PNLIPRP3: variants seen among roughly 807,000 people sequenced by gnomAD.
PNLIPRP3 encodes pancreatic lipase related protein 3.
PNLIPRP3 carries 58 observed loss-of-function variants against 52.8 expected under a neutral mutation model. The ratio of observed to expected loss-of-function variants is 1.10; its 90% CI spans 0.89 to 1.37. The LOEUF is 1.37. Among genes scored for constraint, PNLIPRP3 ranks in the 40% most tolerant of loss-of-function variants. The pLI, the probability that PNLIPRP3 is intolerant of heterozygous loss-of-function variation, is 0.00. For missense variants in PNLIPRP3, 593 were observed against 561.6 expected (o/e 1.06, Z -0.57); for synonymous variants, 192 against 185.0 (o/e 1.04, Z -0.31).
intron 2 of PNLIPRP3, among the ~76,000 whole-genome samples, chr10:116,437,248 A>T (rs1338741723): frequency 3.9e-5 from 6 of 152,178 alleles, no homozygotes; most frequent in Non-Finnish European, 1.5e-5. Flanking sequence ...ACAAACAAAT[A>T]CCTTTCTTGC....
At chr10:116,446,421 A>T (rs1019266582) in intron 4 of PNLIPRP3, among the ~76,000 whole-genome samples, 2 of 151,466 alleles carry the variant, frequency 1.3e-5, no homozygotes, top group Non-Finnish European at 2.9e-5. Flanking sequence ...TGTAGCATTC[A>T]TTGGCAGTTA....
intron 10 of PNLIPRP3, among the ~76,000 whole-genome samples, chr10:116,475,092 A>T (rs1402787651): frequency 6.6e-6 from 1 of 152,210 alleles, no homozygotes; most frequent in Non-Finnish European, 1.5e-5. Context: ...ACCATGGAAT[A>T]CTATGCAGCC....
chr10:116,434,533 G>A (rs1196975466), intron 1 of PNLIPRP3, among the ~76,000 whole-genome samples: 1 of 152,050 alleles, frequency 6.6e-6, no homozygotes, highest in East Asian at 1.9e-4. Context: ...TGCTCACTGT[G>A]CTTTATCACA....
At chr10:116,432,955 A>C (rs899504821) in intron 1 of PNLIPRP3, among the ~76,000 whole-genome samples, 1 of 151,752 alleles carries the variant, frequency 6.6e-6, no homozygotes, top group Non-Finnish European at 1.5e-5. Flanking sequence ...TCTACTAAAA[A>C]TACAAAAAAT....
chr10:116,460,886 G>T, intron 5 of PNLIPRP3, 80 bp from the exon 6 acceptor site: 1 of 1,534,334 alleles, frequency 6.5e-7, no homozygotes, highest in Non-Finnish European at 8.8e-7. Flanking sequence ...AAATAATGTA[G>T]GAAAGGACAC....
intron 4 of PNLIPRP3, among the ~76,000 whole-genome samples, chr10:116,452,928 G>A (rs1271407727): frequency 1.3e-5 from 2 of 152,236 alleles, no homozygotes; most frequent in Non-Finnish European, 2.9e-5. Flanking sequence ...GTCCCCACTG[G>A]GGAACTGCCT....
intron 10 of PNLIPRP3, among the ~76,000 whole-genome samples, chr10:116,475,021 A>G (rs1366290993): frequency 6.6e-6 from 1 of 152,230 alleles, no homozygotes; most frequent in South Asian, 2.1e-4. Context: ...CAGCAAAGAC[A>G]TGGAATCAAC....
chr10:116,448,025 G>GGAAA (rs34867075), intron 4 of PNLIPRP3, among the ~76,000 whole-genome samples: 9 of 141,304 alleles, frequency 6.4e-5, no homozygotes, highest in Admixed American at 5.2e-4. Context: ...AAGGAAGGAA[G>GGAAA]GAAAGAAAGA....
chr10:116,457,428 T>C (rs190879452), intron 5 of PNLIPRP3, among the ~76,000 whole-genome samples: 1 of 152,192 alleles, frequency 6.6e-6, no homozygotes, highest in East Asian at 1.9e-4. Flanking sequence ...TAGAACACAG[T>C]TTTTAAAAAA....
At chr10:116,475,825 C>T (rs959048724) in intron 10 of PNLIPRP3, among the ~76,000 whole-genome samples, 1 of 152,064 alleles carries the variant, frequency 6.6e-6, no homozygotes, top group Non-Finnish European at 1.5e-5. Context: ...CAGTATGGAG[C>T]AACATGGGGA....
rs1187532664 is a variant in PNLIPRP3, at chr10:116,476,720, C to A, written c.1241C>A (p.Thr414Lys). The A allele has an allele frequency of 6.2e-6, 10 of 1,608,426 alleles. No individual in the cohort carries two copies. The highest frequency in any genetic ancestry group is 7.6e-6 in the Non-Finnish European group (9 of 1,177,610). The part of the protein sequence containing the change: ...IDADVNVGNI[T>K]SVQFIWKKHL... ...GCAGATGTTAACGTTGGAAACATTA[C>A]AAGTGTTCAGTTCATCTGGAAAAAA... Residue 414 changes from threonine to lysine, a missense_variant, in exon 11 of 12, where the codon ACA becomes AAA. Transcript: ENST00000369230.
intron 8 of PNLIPRP3, 144 bp from the exon 9 acceptor site, chr10:116,469,041 A>G (rs1589990665): frequency 1.3e-6 from 1 of 764,756 alleles, no homozygotes; most frequent in African/African-American, 1.9e-5. Flanking sequence ...GAAAACAGAC[A>G]TGGTGGCCTG....
rs148847500 is a variant in PNLIPRP3 at position 116,440,667 on chromosome 10, C to T, written c.205-2388C>T. On this transcript the variant is annotated intron_variant, in intron 2 of 11. Transcript: ENST00000369230. The stretch of plus-strand genomic sequence containing the variant: ...TGTCAAAGGTAAATGTGGTGTGGTA[C>T]GATAAACTTGGTCTTCTGGAGGTCA... Among the ~76,000 whole-genome samples the T allele has an allele frequency of 6.0e-3, 911 of 152,226 alleles. 6 individuals are homozygous for T. The highest frequency in any genetic ancestry group is 0.02 in the African/African-American group (850 of 41,528).
intron 2 of PNLIPRP3, among the ~76,000 whole-genome samples, chr10:116,438,019 G>T (rs1845802425): frequency 6.6e-6 from 1 of 152,156 alleles, no homozygotes; most frequent in Admixed American, 6.6e-5. Context: ...CAACATGATA[G>T]ACATCATAAA....
intron 4 of PNLIPRP3, among the ~76,000 whole-genome samples, chr10:116,449,139 G>T (rs1412603759): frequency 1.3e-5 from 2 of 152,124 alleles, no homozygotes; most frequent in African/African-American, 4.8e-5. Context: ...GGTACACTGA[G>T]CTGTGATAAT....
intron 1 of PNLIPRP3, among the ~76,000 whole-genome samples, chr10:116,435,766 T>C (rs1845765566): frequency 6.6e-6 from 1 of 152,230 alleles, no homozygotes; most frequent in African/African-American, 2.4e-5. Context: ...TATTTTAAAA[T>C]TTAGTTATTT....
chr10:116,459,159 A>G (rs1846155855), intron 5 of PNLIPRP3, among the ~76,000 whole-genome samples: 2 of 151,732 alleles, frequency 1.3e-5, no homozygotes, highest in South Asian at 4.2e-4. Flanking sequence ...CTACTTCATG[A>G]ATTTCTTTTC....
chr10:116,477,457 T>C lies in PNLIPRP3; in HGVS notation c.*304T>C, dbSNP rs999415826. On this transcript the variant is annotated 3_prime_UTR_variant, in exon 12 of 12. Transcript: ENST00000369230. ...TAAGAGGAGGTGATGCAAATGTATG[T>C]TGAGTGTATAAACTCACTGGACAAA... 4.3e-5 allele frequency: 9 copies of C among 208,014 alleles called. No homozygotes were observed. Among genetic ancestry groups the C allele is most frequent in the Non-Finnish European group, 6.6e-5 (7 of 106,256 alleles). The allele number at this position is 208,014 out of a possible 1,614,324, so 12.9% of individuals were successfully genotyped here.
intron 10 of PNLIPRP3, among the ~76,000 whole-genome samples, chr10:116,476,043 G>A (rs900628084): frequency 6.6e-6 from 1 of 152,036 alleles, no homozygotes; most frequent in African/African-American, 2.4e-5. Flanking sequence ...TTGCATGATG[G>A]GGAAAAAACA....
Sources: gnomAD v4.1 joint callset for allele counts (sites outside exome capture counted in the v4.1 genomes callset) on GRCh38, gnomAD v4.1.1 for gene constraint, MANE v1.5 for transcripts, NCBI Gene and HGNC (gene_info 2026-07-23, HGNC 2026-07-21) for gene names.